The following CD99L2 variants were observed in gnomAD, a reference collection of about 807,000 sequenced individuals.
CD99L2 encodes CD99 antigen-like protein 2.
Under a neutral mutation model 27.3 loss-of-function variants are expected in CD99L2, and 24 were observed. The ratio of observed to expected loss-of-function variants is 0.88; its 90% CI spans 0.64 to 1.24. The LOEUF is 1.24. Among genes scored for constraint, CD99L2 ranks in the 50% most tolerant of loss-of-function variants. The pLI is 0.00. For synonymous variants in CD99L2, 97 were observed against 87.9 expected (o/e 1.10, Z -0.58); for missense variants, 255 against 221.6 (o/e 1.15, Z -0.96).
chrX:150,879,896 G>C (rs2047298740), intron 1 of CD99L2, among the ~76,000 whole-genome samples: 1 of 89,142 alleles, frequency 1.1e-5, no homozygotes, highest in African/African-American at 4.4e-5. Flanking sequence ...CTGCACTCCA[G>C]CCTGGGTGAC....
chrX:150,826,129 G>A (rs1294425949), intron 2 of CD99L2, among the ~76,000 whole-genome samples: 3 of 111,835 alleles, frequency 2.7e-5, no homozygotes, highest in Non-Finnish European at 5.6e-5. Context: ...TGAGAACACA[G>A]CTAGAAGGCA....
chrX:150,887,442 G>A (rs11796020), intron 1 of CD99L2, among the ~76,000 whole-genome samples: 29,905 of 104,065 alleles, frequency 0.29, 3,444 homozygotes, highest in African/African-American at 0.41. Flanking sequence ...GCAAAACTCC[G>A]TCTCCAGAAA....
At chrX:150,882,446 T>C (rs1368723203) in intron 1 of CD99L2, among the ~76,000 whole-genome samples, 1 of 112,256 alleles carries the variant, frequency 8.9e-6, no homozygotes, top group African/African-American at 3.2e-5. Context: ...ATATTCAGGC[T>C]GGACGCAGTG....
chrX:150,876,063 CTTTTT>C (rs1245777241), intron 1 of CD99L2, among the ~76,000 whole-genome samples: 2 of 112,165 alleles, frequency 1.8e-5, no homozygotes, highest in African/African-American at 6.5e-5. Flanking sequence ...ATAGTTTGTT[CTTTTT>C]TATTACTGAG....
At chrX:150,846,440 C>T (rs1299731471) in intron 1 of CD99L2, among the ~76,000 whole-genome samples, 2 of 110,851 alleles carry the variant, frequency 1.8e-5, no homozygotes, top group African/African-American at 3.3e-5. Context: ...GACTTAACAG[C>T]GCTATACCTC....
At chrX:150,857,571 C>A (rs782155607) in intron 1 of CD99L2, among the ~76,000 whole-genome samples, 26 of 111,607 alleles carry the variant, frequency 2.3e-4, no homozygotes, top group Non-Finnish European at 3.2e-4. Context: ...AGAGGGTATT[C>A]ATCGACACGA....
intron 2 of CD99L2, among the ~76,000 whole-genome samples, chrX:150,826,799 G>A (rs1282504745): frequency 1.8e-5 from 2 of 111,454 alleles, no homozygotes; most frequent in Non-Finnish European, 3.8e-5. Flanking sequence ...CTGCCTTCCG[G>A]GCCACAGAGT....
At chrX:150,867,028 G>A (rs1375246292) in intron 1 of CD99L2, among the ~76,000 whole-genome samples, 1 of 110,440 alleles carries the variant, frequency 9.1e-6, no homozygotes, top group African/African-American at 3.3e-5. Context: ...TTGTTTTCTA[G>A]TTTTTCCAAA....
chrX:150,769,695 GCTGC>G (rs2043395017), intron 10 of CD99L2, among the ~76,000 whole-genome samples: 1 of 77,496 alleles, frequency 1.3e-5, no homozygotes, highest in African/African-American at 1.8e-4. Context: ...CCAGGCCTCG[GCTGC>G]TCCCCGACCC....
chrX:150,855,021 G>T (rs1377156500), intron 1 of CD99L2, among the ~76,000 whole-genome samples: 1 of 111,154 alleles, frequency 9.0e-6, no homozygotes, highest in Non-Finnish European at 1.9e-5. Flanking sequence ...CTGAGCAATC[G>T]TGAGGAAGTG....
rs868938197 is a variant in CD99L2 at position 150,824,304 on chromosome X, A to G, written c.130+6927T>C. Among the ~76,000 whole-genome samples the G allele has an allele frequency of 9.8e-4, 61 of 62,540 alleles. 3 individuals are homozygous for G. The highest frequency in any genetic ancestry group is 2.6e-3 in the South Asian group (2 of 757). The allele number at this position is 62,540 out of a possible 115,157, so 54.3% of individuals were successfully genotyped here. On this transcript the variant is annotated intron_variant, in intron 2 of 10. Transcript: ENST00000370377. ...GGAGGAGAAAGGAAGAAGAAGAAGA[A>G]GAGGAGGAGGAGGAGGAGGAGGAGA...
intron 1 of CD99L2, among the ~76,000 whole-genome samples, chrX:150,874,598 G>A (rs990507693): frequency 7.2e-5 from 8 of 111,219 alleles, no homozygotes; most frequent in African/African-American, 2.6e-4. Flanking sequence ...TCGCAGGAGA[G>A]GGAGCCTTCA....
intron 1 of CD99L2, among the ~76,000 whole-genome samples, chrX:150,898,229 T>C (rs1192380930): frequency 8.9e-6 from 1 of 112,015 alleles, no homozygotes; most frequent in African/African-American, 3.2e-5. Context: ...ACAGCTGTTG[T>C]CACCAGTGGT....
At chrX:150,778,507 T>TG (rs1356656779) in intron 7 of CD99L2, among the ~76,000 whole-genome samples, 10 of 88,285 alleles carry the variant, frequency 1.1e-4, no homozygotes, top group Admixed American at 3.8e-4. Flanking sequence ...CATGTGGGGG[T>TG]GGGGGAAACA....
chrX:150,879,750 TAAAA>T (rs60706288), intron 1 of CD99L2, among the ~76,000 whole-genome samples: 490 of 19,331 alleles, frequency 0.025, 1 homozygote, highest in African/African-American at 0.064. Context: ...CTACAAAAAC[TAAAA>T]AAAAAAAAAA....
chrX:150,788,765 A>G (rs1174155199), intron 7 of CD99L2, among the ~76,000 whole-genome samples: 1 of 111,488 alleles, frequency 9.0e-6, no homozygotes, highest in African/African-American at 3.3e-5. Context: ...CGGAGCAAAA[A>G]CCAGCAATAG....
intron 7 of CD99L2, among the ~76,000 whole-genome samples, chrX:150,784,115 G>A (rs782722642): frequency 9.0e-6 from 1 of 110,981 alleles, no homozygotes; most frequent in Non-Finnish European, 1.9e-5. Flanking sequence ...CTCCTTCTGG[G>A]GATAGGGAGA....
In CD99L2 at chrX:150,768,972, G is replaced by A; in HGVS notation, c.*62C>T. 1 of 1,109,294 alleles carries A rather than the reference G, an allele frequency of 9.0e-7. No homozygotes were observed. The highest frequency in any genetic ancestry group is 1.2e-6 in the Non-Finnish European group (1 of 856,216). 91.4% of individuals were successfully genotyped at this position (1,109,294 alleles called of 1,213,427 possible). On this transcript the variant is annotated 3_prime_UTR_variant, in exon 11 of 11. Transcript: ENST00000370377. ...AGCAGCTGCGGGTCCAAATGAAGGGGTGGGGGGAGCCGGGTGACAAGCGGT... is the reference window on the plus strand; with the variant it reads ...AGCAGCTGCGGGTCCAAATGAAGGGATGGGGGGAGCCGGGTGACAAGCGGT...
intron 10 of CD99L2, among the ~76,000 whole-genome samples, chrX:150,769,618 C>T (rs917668357): frequency 9.1e-6 from 1 of 109,731 alleles, no homozygotes; most frequent in Admixed American, 9.7e-5. Flanking sequence ...CCAGTCCCCA[C>T]GGCTGCTGCA....
Sources: gnomAD v4.1 joint callset for allele counts (sites outside exome capture counted in the v4.1 genomes callset) on GRCh38, gnomAD v4.1.1 for gene constraint, MANE v1.5 for transcripts, NCBI Gene and HGNC (gene_info 2026-07-23, HGNC 2026-07-21) for gene names.